Variants in ROBO2 observed in about 807,000 individuals in gnomAD.
ROBO2 encodes roundabout homolog 2.
A neutral mutation model predicts 160.8 loss-of-function variants in ROBO2; 53 were observed. That is an observed-to-expected ratio of 0.33 (90% CI 0.26 to 0.41). The LOEUF is 0.41. Among genes scored for constraint, ROBO2 ranks in the 10% least tolerant of loss-of-function variants. The pLI is 1.00. For missense variants in ROBO2, 1,577 were observed against 1,722.4 expected, an observed-to-expected ratio of 0.92 and a Z score of 1.49; for synonymous variants, 664 against 611.7, an observed-to-expected ratio of 1.09 and a Z score of -1.26.
chr3:77,060,955 A>T (rs2066240261), intron 1 of ROBO2, among the ~76,000 whole-genome samples: 1 of 151,602 alleles, frequency 6.6e-6, no homozygotes, highest in African/African-American at 2.4e-5. Flanking sequence ...TTTTTTAAAG[A>T]GACAGGGTCT....
At chr3:76,893,963 C>T (rs2074562780) in intron 2 of ROBO2, among the ~76,000 whole-genome samples, 1 of 151,800 alleles carries the variant, frequency 6.6e-6, no homozygotes, top group Admixed American at 6.6e-5. Context: ...GAATAATTAC[C>T]CCTGATTTAA....
chr3:76,148,576 C>T (rs1410642033), intron 2 of ROBO2, among the ~76,000 whole-genome samples: 1 of 152,054 alleles, frequency 6.6e-6, no homozygotes, highest in Non-Finnish European at 1.5e-5. Flanking sequence ...CAGACTCCTT[C>T]CCACCAACCT....
intron 2 of ROBO2, among the ~76,000 whole-genome samples, chr3:76,405,502 C>T (rs574080050): frequency 1.8e-4 from 27 of 151,830 alleles, no homozygotes; most frequent in South Asian, 6.2e-4. Context: ...CACAAATTTA[C>T]GCAGTCAAGT....
At chr3:76,456,943 A>G (rs1440825874) in intron 2 of ROBO2, among the ~76,000 whole-genome samples, 2 of 152,180 alleles carry the variant, frequency 1.3e-5, no homozygotes, top group African/African-American at 2.4e-5. Context: ...AGCAGGGGGA[A>G]GACTGGCCCC....
intron 2 of ROBO2, among the ~76,000 whole-genome samples, chr3:76,628,061 C>A (rs1414836820): frequency 1.3e-5 from 2 of 151,658 alleles, no homozygotes; most frequent in Non-Finnish European, 2.9e-5. Context: ...TGACTTAAGT[C>A]ATAAAAAAAT....
intron 2 of ROBO2, among the ~76,000 whole-genome samples, chr3:76,175,506 A>T (rs1477780305): frequency 6.6e-6 from 1 of 152,148 alleles, no homozygotes; most frequent in African/African-American, 2.4e-5. Context: ...AAGTTTAAAC[A>T]TGCAACTCAT....
At chr3:77,459,597 G>A (rs1334865894) in intron 2 of ROBO2, among the ~76,000 whole-genome samples, 1 of 152,168 alleles carries the variant, frequency 6.6e-6, no homozygotes, top group Non-Finnish European at 1.5e-5. Flanking sequence ...GTGATATTCA[G>A]GGGAGAAAAC....
chr3:77,564,096 A>G (rs1046442027), intron 11 of ROBO2, among the ~76,000 whole-genome samples: 1 of 152,108 alleles, frequency 6.6e-6, no homozygotes, highest in Non-Finnish European at 1.5e-5. Context: ...TCACTTTCTT[A>G]TAAGCTTCTC....
chr3:76,549,896 G>C (rs976077875), intron 2 of ROBO2, among the ~76,000 whole-genome samples: 2 of 152,158 alleles, frequency 1.3e-5, no homozygotes, highest in African/African-American at 4.8e-5. Flanking sequence ...ATGTGTAAAA[G>C]TAAACTCATT....
intron 2 of ROBO2, among the ~76,000 whole-genome samples, chr3:77,394,313 T>TG (rs1360959482): frequency 6.6e-6 from 1 of 152,152 alleles, no homozygotes; most frequent in Non-Finnish European, 1.5e-5. Flanking sequence ...CAGTGGCTTC[T>TG]GGGAGGGAGA....
At chr3:76,530,455 GA>G (rs1168843352) in intron 2 of ROBO2, among the ~76,000 whole-genome samples, 1 of 152,136 alleles carries the variant, frequency 6.6e-6, no homozygotes, top group Non-Finnish European at 1.5e-5. Context: ...GCTCAGAACA[GA>G]AAACTATGTT....
chr3:77,481,636 T>C (rs950309926), intron 4 of ROBO2, among the ~76,000 whole-genome samples: 4 of 152,148 alleles, frequency 2.6e-5, no homozygotes, highest in African/African-American at 7.2e-5. Context: ...TTCTTAGAAA[T>C]TCAAACTGAA....
intron 2 of ROBO2, among the ~76,000 whole-genome samples, chr3:76,322,050 A>G (rs1313970143): frequency 1.3e-5 from 2 of 151,636 alleles, no homozygotes; most frequent in Non-Finnish European, 2.9e-5. Flanking sequence ...AGTTTCATCT[A>G]TGATGTCACT....
chr3:76,178,297 G>A (rs983348594), intron 2 of ROBO2, among the ~76,000 whole-genome samples: 7 of 152,066 alleles, frequency 4.6e-5, no homozygotes, highest in Admixed American at 4.6e-4. Flanking sequence ...TTTTAGATGA[G>A]CGTCATACAG....
At chr3:76,636,835 G>A (rs1006338851) in intron 2 of ROBO2, among the ~76,000 whole-genome samples, 2 of 131,634 alleles carry the variant, frequency 1.5e-5, no homozygotes, top group African/African-American at 5.0e-5. Context: ...GTTGCTTCTA[G>A]GCAGGGTGAC....
intron 2 of ROBO2, among the ~76,000 whole-genome samples, chr3:76,123,572 T>C (rs1576952354): frequency 6.6e-6 from 1 of 152,170 alleles, no homozygotes; most frequent in African/African-American, 2.4e-5. Flanking sequence ...GCTTATTAAT[T>C]ATTTATTTTG....
chr3:76,157,816 G>C (rs1057090984), intron 2 of ROBO2, among the ~76,000 whole-genome samples: 18 of 152,112 alleles, frequency 1.2e-4, no homozygotes, highest in East Asian at 3.9e-4. Flanking sequence ...CACTCTCATA[G>C]ATTTAACTAC....
chr3:77,291,874 A>G (rs1471999292), intron 2 of ROBO2, among the ~76,000 whole-genome samples: 1 of 152,038 alleles, frequency 6.6e-6, no homozygotes. Flanking sequence ...GACATAAAGT[A>G]AAATTGATGG....
At chr3:77,542,870 T>G (rs1031191698) in intron 6 of ROBO2, among the ~76,000 whole-genome samples, 1 of 115,194 alleles carries the variant, frequency 8.7e-6, no homozygotes, top group African/African-American at 2.9e-5. Flanking sequence ...AATCTGATTA[T>G]ATCTTTCTTA....
Sources: allele counts gnomAD v4.1 joint callset (sites outside exome capture counted in the v4.1 genomes callset), GRCh38; gene constraint gnomAD v4.1.1; transcripts MANE v1.5; gene names NCBI Gene and HGNC (gene_info 2026-07-23, HGNC 2026-07-21).